DMD: variants seen among roughly 807,000 people sequenced by gnomAD.
DMD encodes the protein mutant dystrophin.
In DMD, 63 loss-of-function variants were observed where a neutral mutation model predicts 330.1. The ratio of observed to expected loss-of-function variants is 0.19; its 90% confidence interval spans 0.16 to 0.24. DMD has a LOEUF of 0.24. DMD is among the 10% of genes least tolerant of loss of function. The pLI, the probability that DMD is intolerant of heterozygous loss-of-function variation, is 1.00. For missense variants in DMD, 3,344 were observed against 2,684.1 expected (o/e 1.25, Z -5.43); for synonymous variants, 1,223 against 959.8 (o/e 1.27, Z -5.07).
intron 39 of DMD, among the ~76,000 whole-genome samples, chrX:32,345,405 T>G (rs1484780518): frequency 1.8e-5 from 2 of 111,554 alleles, no homozygotes; most frequent in Non-Finnish European, 3.8e-5. Context: ...ACTAAGATTA[T>G]TTTTTAGGAT....
At chrX:32,973,259 C>T (rs2092443990) in intron 2 of DMD, among the ~76,000 whole-genome samples, 1 of 112,146 alleles carries the variant, frequency 8.9e-6, no homozygotes, top group Non-Finnish European at 1.9e-5. Flanking sequence ...TAATTATATA[C>T]TTTTAAGACG....
intron 2 of DMD, among the ~76,000 whole-genome samples, chrX:32,903,173 A>G (rs1005890013): frequency 1.0e-5 from 1 of 95,544 alleles, no homozygotes; most frequent in African/African-American, 3.8e-5. Flanking sequence ...AAAGAAACTA[A>G]AAAGAAATTT....
chrX:32,534,227 T>C (rs1350633898), intron 17 of DMD, among the ~76,000 whole-genome samples: 1 of 112,103 alleles, frequency 8.9e-6, no homozygotes, highest in Non-Finnish European at 1.9e-5. Context: ...GCCTTCTTCC[T>C]GGCTTGTAGA....
At chrX:32,239,778 TAAG>T (rs1412374674) in intron 43 of DMD, among the ~76,000 whole-genome samples, 6 of 111,622 alleles carry the variant, frequency 5.4e-5, no homozygotes, top group African/African-American at 2.0e-4. Flanking sequence ...TTTATACAAT[TAAG>T]AATTTAAAAA....
chrX:32,753,707 CT>C (rs1341834089), intron 7 of DMD, among the ~76,000 whole-genome samples: 1 of 112,291 alleles, frequency 8.9e-6, no homozygotes, highest in Non-Finnish European at 1.9e-5. Context: ...TTATACTATA[CT>C]TTGTATCATA....
chrX:31,191,218 G>T (rs893483218), intron 67 of DMD, among the ~76,000 whole-genome samples: 107 of 110,486 alleles, frequency 9.7e-4, no homozygotes, highest in African/African-American at 3.4e-3. Flanking sequence ...TGTGTGTTTT[G>T]ATTTTACTTA....
At chrX:32,389,861 T>C (rs1210282155) in intron 31 of DMD, among the ~76,000 whole-genome samples, 187 bp from the exon 32 acceptor site, 1 of 112,017 alleles carries the variant, frequency 8.9e-6, no homozygotes, top group East Asian at 2.8e-4. Flanking sequence ...TCAGTAGTTT[T>C]TTCTTAATGT....
intron 1 of DMD, among the ~76,000 whole-genome samples, chrX:33,319,671 G>A (rs76435973): frequency 8.9e-6 from 1 of 112,164 alleles, no homozygotes; most frequent in African/African-American, 3.2e-5. Flanking sequence ...ATAGACAGAT[G>A]TAAATCTAGC....
At chrX:33,166,627 T>C (rs1352148025) in intron 1 of DMD, among the ~76,000 whole-genome samples, 1 of 111,253 alleles carries the variant, frequency 9.0e-6, no homozygotes, top group Non-Finnish European at 1.9e-5. Context: ...TTACCTGATT[T>C]ATGCATTTAT....
rs1396259474 is a variant in DMD at position 31,120,623 on chromosome X, G to GTAAT, written c.*1292_*1295dup. 1 of 112,002 alleles carries GTAAT rather than the reference G, an allele frequency of 8.9e-6. No homozygotes were observed. Among genetic ancestry groups the GTAAT allele is most frequent in the Non-Finnish European group, 1.9e-5 (1 of 53,211 alleles). 9.2% of individuals were successfully genotyped at this position (112,002 alleles called of 1,213,427 possible). On this transcript the variant is annotated 3_prime_UTR_variant, in exon 79 of 79. Coordinates refer to ENST00000357033, the MANE Select transcript of DMD (RefSeq NM_004006.3). The stretch of plus-strand genomic sequence containing the variant: ...GAGAAGAGGGCATAATAATTTAGTT[G>GTAAT]TAATTACAGAGAACTTTATGTATTA...
At chrX:32,757,544 G>A (rs763327706) in intron 7 of DMD, among the ~76,000 whole-genome samples, 16 of 110,883 alleles carry the variant, frequency 1.4e-4, no homozygotes, top group African/African-American at 3.6e-4. Flanking sequence ...GAATCATGGC[G>A]GCAGGTCTTT....
At chrX:31,909,729 T>C (rs1056817858) in intron 47 of DMD, among the ~76,000 whole-genome samples, 2 of 111,856 alleles carry the variant, frequency 1.8e-5, no homozygotes, top group African/African-American at 6.5e-5. Flanking sequence ...AATAATTCAT[T>C]CTATCATTTT....
At chrX:33,283,468 G>A (rs1186115491) in intron 1 of DMD, among the ~76,000 whole-genome samples, 1 of 106,677 alleles carries the variant, frequency 9.4e-6, no homozygotes, top group Non-Finnish European at 1.9e-5. Context: ...AGGTTGCAGT[G>A]AGCTGAGATC....
At chrX:33,004,430 C>T (rs2093351835) in intron 2 of DMD, among the ~76,000 whole-genome samples, 1 of 111,285 alleles carries the variant, frequency 9.0e-6, no homozygotes, top group African/African-American at 3.3e-5. Flanking sequence ...GCTAGGTATA[C>T]TCATTACTAC....
intron 43 of DMD, among the ~76,000 whole-genome samples, chrX:32,219,448 T>C (rs950444953): frequency 8.9e-6 from 1 of 112,272 alleles, no homozygotes; most frequent in African/African-American, 3.2e-5. Context: ...TATTTTCTTA[T>C]ATAATTTTTC....
chrX:32,788,890 C>G lies in DMD; in HGVS notation c.649+20603G>C, dbSNP rs150071928. ...CTTTATCAGCTCTGCCAATGAAAGACATTTTTATTGGCTGCAAAAGGCATC... is the reference window on the plus strand; with the variant it reads ...CTTTATCAGCTCTGCCAATGAAAGAGATTTTTATTGGCTGCAAAAGGCATC... On this transcript the variant is annotated intron_variant, in intron 7 of 78. Transcript: ENST00000357033. Among the ~76,000 whole-genome samples, 10 of 111,998 alleles carry G rather than the reference C, an allele frequency of 8.9e-5. No homozygotes were observed. The East Asian group carries it at 2.8e-3, about 31-fold the overall frequency.
rs149547358 is a variant in DMD at position 32,913,179 on chromosome X, C to T, written c.94-63359G>A. Among the ~76,000 whole-genome samples the T allele has an allele frequency of 1.1e-3, 117 of 111,156 alleles. 3 individuals carry two copies. In the East Asian group the frequency reaches 0.028, roughly 26 times the overall value. On this transcript the variant is annotated intron_variant, in intron 2 of 78. Transcript: ENST00000357033. ...TTTTCCCCCTAGTTTAAAAGTGGCC[C>T]CTGGTAACATTTTTCTTGAAGCTTC...
chrX:31,250,364 A>AG (rs2049228095), intron 63 of DMD, among the ~76,000 whole-genome samples: 2 of 111,873 alleles, frequency 1.8e-5, no homozygotes, highest in South Asian at 7.5e-4. Flanking sequence ...ACAATTGCTA[A>AG]GGAGAGCTAC....
chrX:32,478,011 C>A (rs1374316017), intron 21 of DMD, among the ~76,000 whole-genome samples: 1 of 111,741 alleles, frequency 8.9e-6, no homozygotes, highest in Non-Finnish European at 1.9e-5. Flanking sequence ...TTTCAAATGA[C>A]TTTTACCTGT....
Sources: gnomAD v4.1 joint callset for allele counts (sites outside exome capture counted in the v4.1 genomes callset) on GRCh38, gnomAD v4.1.1 for gene constraint, MANE v1.5 for transcripts, NCBI Gene and HGNC (gene_info 2026-07-23, HGNC 2026-07-21) for gene names.